Variants in GLIS3 observed in about 807,000 individuals in gnomAD.
GLIS3 encodes zinc finger protein GLIS3.
Under a neutral mutation model 78.6 loss-of-function variants are expected in GLIS3, and 53 were observed. That is an observed-to-expected ratio of 0.67 (90% CI 0.54 to 0.85). GLIS3 has a LOEUF of 0.85. Ranked by LOEUF, GLIS3 falls within the 40% of genes least tolerant of loss-of-function variation. The pLI is 0.00. For synonymous variants in GLIS3, 684 were observed against 509.9 expected (o/e 1.34, Z -4.60); for missense variants, 1,703 against 1,231.1 (o/e 1.38, Z -5.74).
At chr9:4,297,413 T>C (rs1399196517) in intron 1 of GLIS3, among the ~76,000 whole-genome samples, 6 of 152,166 alleles carry the variant, frequency 3.9e-5, no homozygotes, top group Non-Finnish European at 7.4e-5. Flanking sequence ...GGGTCCACTC[T>C]AGCTTTAATA....
At chr9:4,352,621 A>G (rs12683842), upstream of GLIS3, among the ~76,000 whole-genome samples, 5,041 of 152,328 alleles carry the variant, frequency 0.033, 219 homozygotes, top group East Asian at 0.2. Context: ...TCCTTTGGCC[A>G]TCACCAGCTT....
At chr9:4,255,576 C>G (rs1177589917) in intron 2 of GLIS3, among the ~76,000 whole-genome samples, 1 of 152,130 alleles carries the variant, frequency 6.6e-6, no homozygotes, top group Non-Finnish European at 1.5e-5. Flanking sequence ...ATGTAGAAAA[C>G]TTAAATGCAT....
intron 4 of GLIS3, among the ~76,000 whole-genome samples, chr9:4,052,272 A>G (rs1445482223): frequency 6.6e-6 from 1 of 152,192 alleles, no homozygotes; most frequent in Non-Finnish European, 1.5e-5. Context: ...GTATATATAA[A>G]TGTTGCTTCA....
Position 4,118,367 on chromosome 9 carries a change from CCTT to C in GLIS3, c.1108_1110del (p.Lys370del), listed in dbSNP as rs777418874. On this transcript the variant is annotated inframe_deletion, in exon 4 of 11. Transcript: ENST00000381971. The surrounding 1 kb of genome is among the most constrained non-coding windows in gnomAD (Gnocchi z 4.7). ...AGGCCTCCAGGGGCCACCAGCACGC[CCTT>C]CTGGCTGCCGGGCACCGGGCGCGGC... The C allele has an allele frequency of 1.8e-5, 29 of 1,592,070 alleles. No individual in the cohort carries two copies. The highest frequency in any genetic ancestry group is 2.4e-5 in the Non-Finnish European group (28 of 1,173,210).
the GLIS3 span, among the ~76,000 whole-genome samples, chr9:4,426,590 C>T: frequency 1.3e-5 from 2 of 152,192 alleles, no homozygotes; most frequent in Non-Finnish European, 2.9e-5. Context: ...TTCCTTTGTG[C>T]ACACAGCCTG....
intron 2 of GLIS3, among the ~76,000 whole-genome samples, chr9:4,283,366 A>G (rs1030513585): frequency 6.6e-6 from 1 of 151,824 alleles, no homozygotes; most frequent in African/African-American, 2.4e-5. Context: ...CCCAGGCTCA[A>G]GCAATTCTCC....
intron 1 of GLIS3, among the ~76,000 whole-genome samples, chr9:4,295,186 T>A (rs1456428715): frequency 1.3e-5 from 2 of 152,198 alleles, no homozygotes; most frequent in Non-Finnish European, 2.9e-5. Flanking sequence ...CACTTACTTT[T>A]TTTTTTATTA....
At chr9:3,983,391 C>G (rs750641535) in intron 4 of GLIS3, among the ~76,000 whole-genome samples, 7 of 152,096 alleles carry the variant, frequency 4.6e-5, no homozygotes, top group Admixed American at 2.6e-4. Context: ...CAGGCTCATA[C>G]AGTAAATTGG....
the GLIS3 span, among the ~76,000 whole-genome samples, chr9:4,456,132 A>C: frequency 6.6e-6 from 1 of 152,214 alleles, no homozygotes; most frequent in Non-Finnish European, 1.5e-5. Flanking sequence ...TTGTGTTTAC[A>C]CTATACTGTA....
the GLIS3 span, among the ~76,000 whole-genome samples, chr9:4,384,709 T>G: frequency 1.3e-5 from 2 of 151,936 alleles, no homozygotes; most frequent in Non-Finnish European, 2.9e-5. Flanking sequence ...GGTAATAAAT[T>G]CCATTTCCTT....
At chr9:3,866,989 G>C (rs947881622) in intron 8 of GLIS3, among the ~76,000 whole-genome samples, 1 of 152,154 alleles carries the variant, frequency 6.6e-6, no homozygotes, top group Non-Finnish European at 1.5e-5. Context: ...GAGTTGATTA[G>C]GCTTGAAATG....
chr9:4,132,399 G>C lies in GLIS3; in HGVS notation c.389-6458C>G, dbSNP rs140985669. On this transcript the variant is annotated intron_variant, in intron 2 of 10. Coordinates refer to ENST00000381971, the MANE Select transcript of GLIS3 (RefSeq NM_001042413.2). The stretch of plus-strand genomic sequence containing the variant: ...CTTCATTAGTTAAAAGGGTTCTCTT[G>C]AAGTCAAATGGCTGATTATGTCACA... 7.4e-3 allele frequency among the ~76,000 whole-genome samples: 1,123 copies of C among 152,278 alleles called. 10 individuals are homozygous for C. Among genetic ancestry groups the C allele is most frequent in the Non-Finnish European group, 0.013 (858 of 68,026 alleles).
intron 2 of GLIS3, among the ~76,000 whole-genome samples, chr9:4,247,498 G>A (rs910422892): frequency 7.2e-5 from 11 of 152,114 alleles, no homozygotes; most frequent in African/African-American, 2.7e-4. Flanking sequence ...TTGCGCATAT[G>A]TTCTGGGGGT....
At chr9:4,451,238 A>T in the GLIS3 span, among the ~76,000 whole-genome samples, 52 of 151,626 alleles carry the variant, frequency 3.4e-4, no homozygotes, top group Non-Finnish European at 8.8e-5. Context: ...AACAAAGATC[A>T]AAAGAGACAA....
chr9:4,323,234 T>C (rs1817563115), intron 2 of GLIS3, among the ~76,000 whole-genome samples: 1 of 152,180 alleles, frequency 6.6e-6, no homozygotes, highest in Admixed American at 6.5e-5. Flanking sequence ...AGATGTGTGA[T>C]ATCAAACTAT....
intron 2 of GLIS3, among the ~76,000 whole-genome samples, chr9:4,267,944 CCTGTGT>C (rs1369358248): frequency 0.033 from 4,961 of 149,982 alleles, 101 homozygotes; most frequent in Middle Eastern, 0.072. Flanking sequence ...TATAAAAATA[CCTGTGT>C]GTGTGTGTGT....
chr9:3,992,057 G>C (rs979910504), intron 4 of GLIS3, among the ~76,000 whole-genome samples: 4 of 152,090 alleles, frequency 2.6e-5, no homozygotes, highest in African/African-American at 9.7e-5. Flanking sequence ...ACTGAAGTCA[G>C]ATTTTATAAT....
chr9:4,130,445 G>A (rs1832891082), intron 2 of GLIS3, among the ~76,000 whole-genome samples: 2 of 152,222 alleles, frequency 1.3e-5, no homozygotes, highest in African/African-American at 4.8e-5. Flanking sequence ...TTATGGGCCA[G>A]GCCCAGGGCC....
intron 2 of GLIS3, among the ~76,000 whole-genome samples, chr9:4,246,759 G>A (rs902832723): frequency 6.6e-6 from 1 of 152,158 alleles, no homozygotes; most frequent in Non-Finnish European, 1.5e-5. Flanking sequence ...TGTTGTAGCA[G>A]CTATTTGGAG....
Sources: allele counts gnomAD v4.1 joint callset (sites outside exome capture counted in the v4.1 genomes callset), GRCh38; gene constraint gnomAD v4.1.1; non-coding constraint Gnocchi (gnomAD v3.1); transcripts MANE v1.5; gene names NCBI Gene and HGNC (gene_info 2026-07-23, HGNC 2026-07-21).